Variants in BRF1 observed in about 807,000 individuals in gnomAD.
The protein encoded by BRF1 is BRF1 general transcription factor IIIB subunit.
A neutral mutation model predicts 81.7 loss-of-function variants in BRF1; 59 were observed. The observed-to-expected ratio is 0.72, with a 90% CI of 0.59 to 0.90. The LOEUF (loss-of-function observed/expected upper bound fraction) is 0.90. Among genes scored for constraint, BRF1 ranks in the 40% least tolerant of loss-of-function variants. The pLI, the probability that BRF1 is intolerant of heterozygous loss-of-function variation, is 0.00. For synonymous variants in BRF1, 491 were observed against 395.6 expected, an observed-to-expected ratio of 1.24 and a Z score of -2.86; for missense variants, 1,050 against 936.3, an observed-to-expected ratio of 1.12 and a Z score of -1.58.
chr14:105,249,319 T>G, intron 5 of BRF1: 1 of 1,595,780 alleles, frequency 6.3e-7, no homozygotes, highest in Non-Finnish European at 8.5e-7. Context: ...ACACGCAGCC[T>G]GCGGGAGAGC....
chr14:105,253,421 G>C (rs940578543), intron 4 of BRF1, among the ~76,000 whole-genome samples: 1 of 152,192 alleles, frequency 6.6e-6, no homozygotes, highest in Non-Finnish European at 1.5e-5. Flanking sequence ...GGCCTCACAG[G>C]CTTGGCCAGT....
At chr14:105,241,151 G>C in intron 6 of BRF1, 114 bp downstream of exon 6, 2 of 1,494,270 alleles carry the variant, frequency 1.3e-6, no homozygotes, top group East Asian at 4.6e-5. Context: ...GAGGCTGGAG[G>C]CAGCTCTCAG....
In BRF1 at chr14:105,219,030, C is replaced by T. The variant is rs757001528; in HGVS notation, c.1483G>A (p.Glu495Lys). ...TCCTTGTAGATGCCGAGCTCCTTCT[C>T]TTTCGCTATTCTTGCTTCTTTTTCT... ...QREKEARIAK[E>K]KELGIYKEHK... Residue 495 changes from glutamate to lysine, a missense_variant, in exon 14 of 18, where the codon GAG becomes AAG. Around this residue, in one of 2 missense-constraint regions of BRF1, gnomAD observed 1,043 missense variants for 915.4 expected, o/e 1.14. Coordinates refer to ENST00000547530, the MANE Select transcript of BRF1 (RefSeq NM_001519.4). The T allele has an allele frequency of 6.2e-7, 1 of 1,613,782 alleles. No homozygotes were observed. The highest frequency in any genetic ancestry group is 1.3e-5 in the African/African-American group (1 of 74,946).
At chr14:105,229,215 G>A (rs944302437) in intron 6 of BRF1, among the ~76,000 whole-genome samples, 2 of 152,214 alleles carry the variant, frequency 1.3e-5, no homozygotes, top group African/African-American at 2.4e-5. Context: ...ATGACTGTGC[G>A]GGAAACACAG....
chr14:105,228,592 G>C (rs1274438361), intron 7 of BRF1, among the ~76,000 whole-genome samples: 1 of 151,850 alleles, frequency 6.6e-6, no homozygotes, highest in African/African-American at 2.4e-5. Flanking sequence ...TGCCTCCGCA[G>C]GATAGGGCCG....
intron 10 of BRF1, among the ~76,000 whole-genome samples, chr14:105,224,398 G>A (rs1383931394): frequency 6.6e-6 from 1 of 152,132 alleles, no homozygotes; most frequent in Non-Finnish European, 1.5e-5. Context: ...TGTAACTGCT[G>A]CTCACCAGAG....
Position 105,284,209 on chromosome 14 carries a change from G to A in BRF1, c.265+2087C>T, listed in dbSNP as rs587715439. ...CCCGGCCACGGCTCGAAGCATTTCCGAAGACTGAAATCACACAGAGGGTGC... is the reference window on the plus strand; with the variant it reads ...CCCGGCCACGGCTCGAAGCATTTCCAAAGACTGAAATCACACAGAGGGTGC... On this transcript the variant is annotated intron_variant, in intron 2 of 17. Transcript: ENST00000547530. The surrounding 1 kb of genome is among the most constrained non-coding windows in gnomAD (Gnocchi z 4.0). Among the ~76,000 whole-genome samples, 2 of 152,226 alleles carry A rather than the reference G, an allele frequency of 1.3e-5. No individual in the cohort carries two copies. Among genetic ancestry groups the A allele is most frequent in the Admixed American group, 6.5e-5 (1 of 15,302 alleles).
At position 105,271,902 on chromosome 14, in the gene BRF1, G is replaced by C. The variant is rs1397361336; in HGVS notation, c.439+819C>G. 7.9e-5 allele frequency among the ~76,000 whole-genome samples: 7 copies of C among 88,334 alleles called. No individual in the cohort carries two copies. The highest frequency in any genetic ancestry group is 3.1e-4 in the African/African-American group (7 of 22,348). 58.0% of individuals were successfully genotyped at this position (88,334 alleles called of 152,430 possible). On this transcript the variant is annotated intron_variant, in intron 3 of 17. Coordinates refer to ENST00000547530, the MANE Select transcript of BRF1 (RefSeq NM_001519.4). The surrounding 1 kb of genome is among the most constrained non-coding windows in gnomAD (Gnocchi z 5.5). ...CAAGGCCAAGCTGCACACCGCTGAG[G>C]GTCGGCGGCCTCCCCGCCCACCGCC... is the stretch of plus-strand genomic sequence containing the variant.
At chr14:105,312,298 G>T (rs2058369543) in intron 1 of BRF1, among the ~76,000 whole-genome samples, 2 of 152,232 alleles carry the variant, frequency 1.3e-5, no homozygotes, top group Admixed American at 1.3e-4. Context: ...TGGAATCCTA[G>T]CCAAGCATTC....
chr14:105,228,781 C>G (rs587731266), intron 7 of BRF1, 39 bp downstream of exon 7: 4 of 1,609,158 alleles, frequency 2.5e-6, no homozygotes, highest in Non-Finnish European at 3.4e-6. Context: ...CTGATGAAGC[C>G]TCTGTGTGGT....
chr14:105,225,581 C>T (rs1378586965), intron 10 of BRF1, among the ~76,000 whole-genome samples: 4 of 152,170 alleles, frequency 2.6e-5, no homozygotes, highest in South Asian at 2.1e-4. Flanking sequence ...AAATATTTTA[C>T]CCCAAAATAT....
chr14:105,287,945 A>G (rs1341957006), intron 1 of BRF1, among the ~76,000 whole-genome samples: 1 of 152,236 alleles, frequency 6.6e-6, no homozygotes, highest in Non-Finnish European at 1.5e-5. Flanking sequence ...GGCCTCCTTC[A>G]GGCTGAGGCC....
rs1235946042 is a variant in BRF1 at position 105,209,654 on chromosome 14, G to C, written c.*897C>G. ...CTCCGTCTGCCCTCCCTCCTCGATG[G>C]GGGGCCTGATCCAGCTCTGACAGGG... On this transcript the variant is annotated 3_prime_UTR_variant, in exon 18 of 18. Transcript: ENST00000547530. 1 of 683,586 alleles carries C rather than the reference G, an allele frequency of 1.5e-6. No individual in the cohort carries two copies. Among genetic ancestry groups the C allele is most frequent in the African/African-American group, 1.8e-5 (1 of 56,938 alleles). The allele number at this position is 683,586 out of a possible 1,614,324, so 42.3% of individuals were successfully genotyped here.
intron 15 of BRF1, chr14:105,212,505 G>A: frequency 3.3e-6 from 1 of 306,782 alleles, no homozygotes; most frequent in Non-Finnish European, 6.2e-6. Context: ...GAGGGAGGGT[G>A]AAGGGACACT....
At chr14:105,244,692 A>G (rs914087667) in intron 5 of BRF1, among the ~76,000 whole-genome samples, 1 of 152,100 alleles carries the variant, frequency 6.6e-6, no homozygotes, top group Admixed American at 6.6e-5. Context: ...TCAAAACCAC[A>G]ATAATAGGGG....
intron 1 of BRF1, among the ~76,000 whole-genome samples, chr14:105,298,157 A>G (rs1170166763): frequency 6.6e-6 from 1 of 152,236 alleles, no homozygotes; most frequent in Admixed American, 6.5e-5. Context: ...AAAATCAGAA[A>G]ACTCTGGTAT....
chr14:105,277,854 A>T (rs2140429658), intron 2 of BRF1, among the ~76,000 whole-genome samples: 2 of 152,270 alleles, frequency 1.3e-5, no homozygotes, highest in Admixed American at 1.3e-4. Flanking sequence ...TCCCGGGTTC[A>T]AGTGATTCTC....
intron 5 of BRF1, among the ~76,000 whole-genome samples, chr14:105,251,840 C>T (rs1202131312): frequency 2.6e-5 from 4 of 151,956 alleles, no homozygotes; most frequent in Non-Finnish European, 5.9e-5. Flanking sequence ...TAGACTTTTC[C>T]GCTAGGTTAG....
Position 105,308,569 on chromosome 14 carries a change from G to A in BRF1, c.-162+6753C>T, listed in dbSNP as rs587611192. On this transcript the variant is annotated intron_variant, in intron 1 of 17. Transcript: ENST00000327359. ...GCAATCTTGGCTCACTGCAACCTCC[G>A]CCTCCTGGGTTCAAGTGATTCTCCT... Among the ~76,000 whole-genome samples, 8 of 144,154 alleles carry A rather than the reference G, an allele frequency of 5.5e-5. 1 individual carries two copies. Among genetic ancestry groups the A allele is most frequent in the Middle Eastern group, 3.4e-3 (1 of 292 alleles). The allele number at this position is 144,154 out of a possible 152,430, so 94.6% of individuals were successfully genotyped here. A position where few individuals can be genotyped will look rare whatever the true frequency, so the allele number is the denominator to read the frequency against.
Sources: gnomAD v4.1 joint callset for allele counts (sites outside exome capture counted in the v4.1 genomes callset) on GRCh38, gnomAD v4.1.1 for gene constraint, gnomAD v4.1.1 regional missense constraint, Gnocchi (gnomAD v3.1) non-coding constraint, MANE v1.5 for transcripts, NCBI Gene and HGNC (gene_info 2026-07-23, HGNC 2026-07-21) for gene names.